Variants in SLC7A14 observed in about 807,000 individuals in gnomAD.
SLC7A14 encodes the protein gamma-aminobutyric acid transporter SLC7A14.
A neutral mutation model predicts 60.2 loss-of-function variants in SLC7A14; 37 were observed. The observed-to-expected ratio is 0.61, with a 90% CI of 0.47 to 0.81. The LOEUF is 0.81. SLC7A14 is among the 30% of genes least tolerant of loss of function. The probability of loss-of-function intolerance (pLI) is 0.00; values close to 1 mark genes in which losing one functional copy is unlikely to be tolerated. For missense variants in SLC7A14, 886 were observed against 982.7 expected (o/e 0.90, Z 1.32); for synonymous variants, 399 against 395.8 (o/e 1.01, Z -0.10).
At chr3:170,495,133 T>G (rs138849311) in intron 4 of SLC7A14, among the ~76,000 whole-genome samples, 1 of 152,324 alleles carries the variant, frequency 6.6e-6, no homozygotes, top group East Asian at 1.9e-4. Context: ...CCTCATGTAG[T>G]TTTAACTATT....
At chr3:170,583,265 G>T (rs1220366426) in intron 1 of SLC7A14, among the ~76,000 whole-genome samples, 1 of 152,156 alleles carries the variant, frequency 6.6e-6, no homozygotes, top group Non-Finnish European at 1.5e-5. Flanking sequence ...AGAGAAAACT[G>T]TTACTGAGGA....
intron 1 of SLC7A14, among the ~76,000 whole-genome samples, chr3:170,584,496 A>G (rs1715321646): frequency 6.6e-6 from 1 of 152,200 alleles, no homozygotes; most frequent in South Asian, 2.1e-4. Flanking sequence ...TGGATCCTGA[A>G]GTGACACCCG....
At chr3:170,495,848 A>G in intron 4 of SLC7A14, 1 of 1,169,246 alleles carries the variant, frequency 8.6e-7, no homozygotes, top group Admixed American at 1.7e-5. Context: ...GGATCAACGT[A>G]TTTGAGAGCT....
intron 1 of SLC7A14, among the ~76,000 whole-genome samples, chr3:170,531,809 C>G (rs778373929): frequency 6.6e-5 from 10 of 152,166 alleles, no homozygotes; most frequent in Non-Finnish European, 1.5e-4. Context: ...ACAGCTATAA[C>G]TAAGGAAGGC....
At chr3:170,479,188 T>C (rs1711732075) in intron 7 of SLC7A14, among the ~76,000 whole-genome samples, 1 of 152,026 alleles carries the variant, frequency 6.6e-6, no homozygotes, top group African/African-American at 2.4e-5. Flanking sequence ...AGAGTCTCTT[T>C]GGCCTCTCTT....
At position 170,465,111 on chromosome 3, in the gene SLC7A14, C is replaced by A. The variant is rs1739687018; in HGVS notation, c.*1944G>T. 6.6e-6 allele frequency: 1 copy of A among 152,180 alleles called. No individual in the cohort carries two copies. The highest frequency in any genetic ancestry group is 2.4e-5 in the African/African-American group (1 of 41,532). The allele number at this position is 152,180 out of a possible 1,614,324, so 9.4% of individuals were successfully genotyped here. A position where few individuals can be genotyped will look rare whatever the true frequency, so the allele number is the denominator to read the frequency against. On this transcript the variant is annotated 3_prime_UTR_variant, in exon 8 of 8. Coordinates refer to ENST00000231706, the MANE Select transcript of SLC7A14 (RefSeq NM_020949.3). ...ATTGTCAAGCATGATATTAAAATGA[C>A]AAAATGACCTCAGGAAACCAGAGTT...
intron 7 of SLC7A14, among the ~76,000 whole-genome samples, chr3:170,474,261 C>A (rs945529921): frequency 1.3e-5 from 2 of 152,214 alleles, no homozygotes; most frequent in Admixed American, 6.5e-5. Flanking sequence ...GAATTCTGTT[C>A]CAGGTAAGCT....
intron 4 of SLC7A14, among the ~76,000 whole-genome samples, chr3:170,491,945 A>T (rs1020686384): frequency 1.6e-4 from 25 of 152,282 alleles, no homozygotes; most frequent in Middle Eastern, 6.8e-3. Context: ...AAATAAACAG[A>T]TTATTAAAGA....
intron 2 of SLC7A14, among the ~76,000 whole-genome samples, chr3:170,515,457 G>C (rs1474967306): frequency 1.3e-5 from 2 of 152,036 alleles, no homozygotes; most frequent in African/African-American, 4.8e-5. Flanking sequence ...TCCATATCTT[G>C]GCACACCTCT....
At chr3:170,495,891 C>T (rs73882021) in intron 4 of SLC7A14, 195,050 of 1,391,734 alleles carry the variant, frequency 0.14, 14,819 homozygotes, top group Admixed American at 0.24. Flanking sequence ...GCTGGAGGCT[C>T]TGGGCTAGGA....
At chr3:170,475,643 G>A (rs1000097554) in intron 7 of SLC7A14, among the ~76,000 whole-genome samples, 1 of 152,148 alleles carries the variant, frequency 6.6e-6, no homozygotes, top group African/African-American at 2.4e-5. Context: ...GAGTCAGCTG[G>A]AGGGCTTGTT....
At chr3:170,467,813 A>G (rs543068200) in intron 7 of SLC7A14, among the ~76,000 whole-genome samples, 1 of 152,326 alleles carries the variant, frequency 6.6e-6, no homozygotes, top group African/African-American at 2.4e-5. Context: ...CTATTTATGG[A>G]TCAGCAACAG....
intron 1 of SLC7A14, among the ~76,000 whole-genome samples, chr3:170,539,532 T>C (rs900704226): frequency 6.6e-6 from 1 of 152,222 alleles, no homozygotes. Flanking sequence ...ATTTACTTAT[T>C]TATTTAGTTT....
At chr3:170,489,420 T>G (rs926668538) in intron 4 of SLC7A14, among the ~76,000 whole-genome samples, 24 of 152,132 alleles carry the variant, frequency 1.6e-4, no homozygotes, top group African/African-American at 5.6e-4. Context: ...ATGGCTTATA[T>G]CCAAAAGACA....
intron 1 of SLC7A14, among the ~76,000 whole-genome samples, chr3:170,580,510 C>T (rs139072921): frequency 3.0e-4 from 45 of 152,206 alleles, no homozygotes; most frequent in Non-Finnish European, 5.4e-4. Flanking sequence ...TTAACAGCTT[C>T]GCTTATTTTT....
chr3:170,472,221 T>C (rs1739930512), intron 7 of SLC7A14, among the ~76,000 whole-genome samples: 1 of 149,876 alleles, frequency 6.7e-6, no homozygotes, highest in Admixed American at 6.7e-5. Context: ...AAAAAAATAA[T>C]TAGCTGGGCA....
intron 1 of SLC7A14, among the ~76,000 whole-genome samples, chr3:170,573,725 C>G (rs1220933581): frequency 6.6e-6 from 1 of 152,348 alleles, no homozygotes; most frequent in East Asian, 1.9e-4. Context: ...AAGGACACAA[C>G]TATTCTGGTA....
chr3:170,529,984 T>C (rs1450439927), intron 1 of SLC7A14, among the ~76,000 whole-genome samples: 1 of 152,182 alleles, frequency 6.6e-6, no homozygotes, highest in Non-Finnish European at 1.5e-5. Flanking sequence ...GACACCTTAG[T>C]CTTGGATTTC....
chr3:170,470,803 G>A (rs578225722), intron 7 of SLC7A14, among the ~76,000 whole-genome samples: 13 of 152,242 alleles, frequency 8.5e-5, no homozygotes, highest in Non-Finnish European at 1.6e-4. Context: ...GCTTTGTGTC[G>A]GAGGAGTAAA....
Sources: gnomAD v4.1 joint callset for allele counts (sites outside exome capture counted in the v4.1 genomes callset) on GRCh38, gnomAD v4.1.1 for gene constraint, MANE v1.5 for transcripts, NCBI Gene and HGNC (gene_info 2026-07-23, HGNC 2026-07-21) for gene names.